PLEKHA6: variants seen among roughly 807,000 people sequenced by gnomAD.
PLEKHA6 encodes pleckstrin homology domain containing A6.
In PLEKHA6, 60 loss-of-function variants were observed where a neutral mutation model predicts 116.7. That is an observed-to-expected ratio of 0.51 (90% confidence interval 0.42 to 0.64). The LOEUF (loss-of-function observed/expected upper bound fraction) is 0.64, where lower values mean the gene tolerates loss of function less well. PLEKHA6 is among the 30% of genes least tolerant of loss of function. The pLI is 0.00. For missense variants in PLEKHA6, 1,338 were observed against 1,422.7 expected (o/e 0.94, Z 0.96); for synonymous variants, 489 against 556.1 (o/e 0.88, Z 1.70).
intron 1 of PLEKHA6, among the ~76,000 whole-genome samples, chr1:204,351,596 T>C (rs1673282828): frequency 1.3e-5 from 2 of 152,208 alleles, no homozygotes; most frequent in African/African-American, 4.8e-5. Flanking sequence ...GTACTTACTA[T>C]GTGCCTAGCA....
chr1:204,281,645 A>G (rs1040792583), intron 1 of PLEKHA6, among the ~76,000 whole-genome samples: 1 of 152,154 alleles, frequency 6.6e-6, no homozygotes, highest in Non-Finnish European at 1.5e-5. Flanking sequence ...GAAGATCAAA[A>G]TACCAGTTCT....
At chr1:204,236,294 G>A (rs1030469459) in intron 17 of PLEKHA6, among the ~76,000 whole-genome samples, 18 of 152,312 alleles carry the variant, frequency 1.2e-4, no homozygotes, top group Middle Eastern at 6.8e-3. Flanking sequence ...CACTGTGAGC[G>A]AGATGGAAAT....
chr1:204,265,168 C>T (rs1020655064), intron 5 of PLEKHA6, 126 bp from the exon 6 acceptor site: 57 of 712,484 alleles, frequency 8.0e-5, no homozygotes, highest in Non-Finnish European at 1.4e-4. Context: ...TGTTCACCTC[C>T]TGTTTGTCAG....
intron 1 of PLEKHA6, among the ~76,000 whole-genome samples, chr1:204,318,171 C>T (rs557675075): frequency 6.6e-6 from 1 of 152,274 alleles, no homozygotes; most frequent in Admixed American, 6.5e-5. Flanking sequence ...GTCCAATTCC[C>T]AGTGCCCAGG....
intron 1 of PLEKHA6, among the ~76,000 whole-genome samples, chr1:204,278,885 T>C (rs899326493): frequency 6.6e-6 from 1 of 152,172 alleles, no homozygotes; most frequent in Non-Finnish European, 1.5e-5. Flanking sequence ...TCTCCAGCCC[T>C]GACTTAATTT....
chr1:204,256,894 A>G, intron 9 of PLEKHA6: 1 of 636,074 alleles, frequency 1.6e-6, no homozygotes, highest in Non-Finnish European at 2.8e-6. Context: ...TCATACTGGA[A>G]GAGAAAGGGA....
chr1:204,267,564 A>G lies in PLEKHA6; in HGVS notation c.208-17T>C, dbSNP rs754637215. Reference sequence around the variant, plus strand: ...GGAGCTGGCCTGCGGGACATGGGAGAGGCAGATGTGAGGGCTGCAAGCTGG... The same window carrying G: ...GGAGCTGGCCTGCGGGACATGGGAGGGGCAGATGTGAGGGCTGCAAGCTGG... On this transcript the variant is annotated splice_polypyrimidine_tract_variant and intron_variant, in intron 4 of 22. Coordinates refer to ENST00000272203, the MANE Select transcript of PLEKHA6 (RefSeq NM_014935.5). 9.3e-6 allele frequency: 15 copies of G among 1,612,096 alleles called. No individual in the cohort carries two copies. The highest frequency in any genetic ancestry group is 1.3e-5 in the Non-Finnish European group (15 of 1,178,238).
chr1:204,317,532 TC>T (rs1671905359), intron 1 of PLEKHA6, among the ~76,000 whole-genome samples: 1 of 151,510 alleles, frequency 6.6e-6, no homozygotes, highest in Admixed American at 6.6e-5. Flanking sequence ...CCACCAACAC[TC>T]CCGGCTAGAT....
chr1:204,233,454 C>G (rs1054466904), intron 17 of PLEKHA6, among the ~76,000 whole-genome samples: 1 of 151,800 alleles, frequency 6.6e-6, no homozygotes, highest in African/African-American at 2.4e-5. Flanking sequence ...GATTCTCCTG[C>G]CTCAGTCTCC....
intron 1 of PLEKHA6, among the ~76,000 whole-genome samples, chr1:204,347,791 A>G (rs539409052): frequency 6.6e-6 from 1 of 152,258 alleles, no homozygotes; most frequent in East Asian, 1.9e-4. Context: ...ACCCTGGACA[A>G]GCTGGGAGAA....
In PLEKHA6 at chr1:204,264,950, T is replaced by C. The variant is rs1412499333; in HGVS notation, c.373A>G (p.Thr125Ala). Reference sequence around the variant, plus strand: ...AGGGAAGGCCAACTGACCTTAAACGTGTGTTTCCGGCTGATGTTGTCTGAG... The same window carrying C: ...AGGGAAGGCCAACTGACCTTAAACGCGTGTTTCCGGCTGATGTTGTCTGAG... ...QPSDNISRKH[T>A]FKAEHAGVRT... Residue 125 changes from threonine to alanine, a missense_variant, in exon 6 of 23, where the codon ACG (threonine) becomes GCG (alanine). Thr to Ala is a moderately conservative substitution (Grantham distance 58). This residue lies in a region of PLEKHA6 where 140 missense variants were observed against 197.4 expected (regional missense o/e 0.71). Coordinates refer to ENST00000272203, the MANE Select transcript of PLEKHA6 (RefSeq NM_014935.5). The C allele has an allele frequency of 3.1e-6, 5 of 1,612,766 alleles. No homozygotes were observed. The highest frequency in any genetic ancestry group is 3.4e-6 in the Non-Finnish European group (4 of 1,178,920).
intron 9 of PLEKHA6, among the ~76,000 whole-genome samples, chr1:204,255,119 A>C (rs1238882884): frequency 6.6e-6 from 1 of 152,194 alleles, no homozygotes; most frequent in African/African-American, 2.4e-5. Flanking sequence ...GGAGGAACTA[A>C]TGAATACACT....
chr1:204,359,636 C>CCAGAGCCCAGCCTTCCTCCTCCCACCT (rs1673513076), intron 1 of PLEKHA6, 58 bp downstream of exon 1: 1 of 985,334 alleles, frequency 1.0e-6, no homozygotes, highest in Non-Finnish European at 1.2e-6. Flanking sequence ...CCAGCCCTGA[C>CCAGAGCCCAGCCTTCCTCCTCCCACCT]CAGAGCCCAG....
upstream of PLEKHA6, among the ~76,000 whole-genome samples, chr1:204,364,689 AC>A: frequency 6.6e-6 from 1 of 151,852 alleles, no homozygotes; most frequent in Admixed American, 6.6e-5. Context: ...GGACTTTACG[AC>A]CCCCCTGTGT....
chr1:204,297,374 GGCCTTA>G (rs1213105279), intron 1 of PLEKHA6: 1 of 199,178 alleles, frequency 5.0e-6, no homozygotes, highest in Admixed American at 6.5e-5. Context: ...TAAGGCACTG[GGCCTTA>G]GCACATGGCT....
intron 1 of PLEKHA6, among the ~76,000 whole-genome samples, chr1:204,329,991 A>G (rs565602504): frequency 3.3e-5 from 5 of 152,336 alleles, no homozygotes; most frequent in African/African-American, 1.2e-4. Flanking sequence ...GACCAATCAC[A>G]GTGAATGGAC....
chr1:204,296,610 C>T (rs1017854569), intron 1 of PLEKHA6, among the ~76,000 whole-genome samples: 7 of 152,198 alleles, frequency 4.6e-5, no homozygotes. Flanking sequence ...CCCTTGCATT[C>T]CAGCCCTGCA....
At chr1:204,291,771 G>A (rs2103031243) in intron 1 of PLEKHA6, among the ~76,000 whole-genome samples, 1 of 152,310 alleles carries the variant, frequency 6.6e-6, no homozygotes, top group Middle Eastern at 3.4e-3. Context: ...GTTGCCTGGG[G>A]CCAGGGTGGA....
intron 3 of PLEKHA6, among the ~76,000 whole-genome samples, 178 bp from the exon 4 acceptor site, chr1:204,268,490 A>C (rs1461976858): frequency 2.0e-5 from 3 of 151,920 alleles, no homozygotes; most frequent in African/African-American, 7.3e-5. Flanking sequence ...AGAGACTTTC[A>C]GTTCTTTGGC....
Sources: allele counts gnomAD v4.1 joint callset (sites outside exome capture counted in the v4.1 genomes callset), GRCh38; gene constraint gnomAD v4.1.1; regional missense constraint gnomAD v4.1.1; transcripts MANE v1.5; gene names NCBI Gene and HGNC (gene_info 2026-07-23, HGNC 2026-07-21).